The following SLC66A2 variants were observed in gnomAD, a reference collection of about 807,000 sequenced individuals.
SLC66A2 encodes the protein PQ loop repeat containing 1.
Under a neutral mutation model 25.5 loss-of-function variants are expected in SLC66A2, and 23 were observed. The observed-to-expected ratio is 0.90, with a 90% CI of 0.65 to 1.28. The LOEUF (loss-of-function observed/expected upper bound fraction) is 1.28, where lower values mean the gene tolerates loss of function less well. Among genes scored for constraint, SLC66A2 ranks in the 50% most tolerant of loss-of-function variants. The pLI is 0.00. For missense variants in SLC66A2, 396 were observed against 373.1 expected, an observed-to-expected ratio of 1.06 and a Z score of -0.51; for synonymous variants, 193 against 166.5, an observed-to-expected ratio of 1.16 and a Z score of -1.23.
chr18:79,903,829 C>T lies in SLC66A2; in HGVS notation c.*147G>A, dbSNP rs1981592933. 1.6e-6 allele frequency: 1 copy of T among 644,118 alleles called. No individual in the cohort carries two copies. Among genetic ancestry groups the T allele is most frequent in the East Asian group, 3.0e-5 (1 of 33,152 alleles). The allele number at this position is 644,118 out of a possible 1,614,324, so 39.9% of individuals were successfully genotyped here. On this transcript the variant is annotated 3_prime_UTR_variant, in exon 6 of 6. Transcript: ENST00000397778. ...CCCACCCCCACTGCCCACCCTGAGA[C>T]ACCCCACAGAGGCTGATGGAGACCC...
chr18:79,927,216 C>G lies in SLC66A2; in HGVS notation c.391+6753G>C, dbSNP rs1599590908. ...CCACCTGGGAGGGAACAAACAGGCACTGCCCAGACCCGGAGCTGCAGGCAG... is the reference window on the plus strand; with the variant it reads ...CCACCTGGGAGGGAACAAACAGGCAGTGCCCAGACCCGGAGCTGCAGGCAG... On this transcript the variant is annotated intron_variant, in intron 4 of 5. Coordinates refer to ENST00000397778, the MANE Select transcript of SLC66A2 (RefSeq NM_025078.5). The surrounding 1 kb of genome is among the most constrained non-coding windows in gnomAD (Gnocchi z 6.2). Among the ~76,000 whole-genome samples, 1 of 152,188 alleles carries G rather than the reference C, an allele frequency of 6.6e-6. No homozygotes were observed. The highest frequency in any genetic ancestry group is 1.9e-4 in the East Asian group (1 of 5,186).
In SLC66A2 at chr18:79,950,766, C is replaced by T. The variant is rs1411371380; in HGVS notation, c.161G>A (p.Cys54Tyr). The T allele has an allele frequency of 2.5e-6, 4 of 1,613,170 alleles. No individual in the cohort carries two copies. The highest frequency in any genetic ancestry group is 1.3e-5 in the African/African-American group (1 of 74,948). The change falls in exon 2 of 6, where the codon TGC (cysteine) becomes TAC (tyrosine). Residue 54 changes from cysteine to tyrosine, a missense_variant. Coordinates refer to ENST00000397778, the MANE Select transcript of SLC66A2 (RefSeq NM_025078.5). ...QNADGFSTYV[C>Y]LVLLVANILR... is the part of the protein sequence containing the mutation. Reference sequence around the variant, plus strand: ...AATGTTGGCCACCAGCAGCACCAGGCACACGTAGGTGGAGAAGCCGTCGGC... The same window carrying T: ...AATGTTGGCCACCAGCAGCACCAGGTACACGTAGGTGGAGAAGCCGTCGGC...
chr18:79,916,196 T>C (rs1190909793), intron 5 of SLC66A2, among the ~76,000 whole-genome samples: 25 of 94,314 alleles, frequency 2.7e-4, no homozygotes, highest in South Asian at 1.4e-3. Context: ...ATACCCACGG[T>C]GCTCCCGTAC....
chr18:79,923,258 AGGACGGGGGGCCATGGACAGGCGGGTGGT>A (rs1985504172), intron 4 of SLC66A2, among the ~76,000 whole-genome samples: 2 of 13,982 alleles, frequency 1.4e-4, no homozygotes, highest in African/African-American at 2.7e-4. Flanking sequence ...GGGTGGGTGG[AGGACGGGGGGCCATGGACAGGCGGGTGGT>A]GGACAGGTGG....
intron 3 of SLC66A2, chr18:79,935,609 C>T (rs1354395619): frequency 6.6e-6 from 1 of 152,204 alleles, no homozygotes; most frequent in Admixed American, 6.5e-5. Context: ...CTGTGATTTC[C>T]AAGACTTAGG....
intron 4 of SLC66A2, among the ~76,000 whole-genome samples, chr18:79,924,457 G>A (rs575677875): frequency 1.7e-4 from 26 of 152,310 alleles, no homozygotes; most frequent in Non-Finnish European, 2.6e-4. Context: ...AAACTGGTTC[G>A]AAGGGGTTTC....
intron 5 of SLC66A2, among the ~76,000 whole-genome samples, chr18:79,912,159 C>CAGGGAGGGGACGGCAGCAGG (rs1983318815): frequency 3.2e-4 from 12 of 37,102 alleles, no homozygotes; most frequent in African/African-American, 7.6e-4. Context: ...ACGGCAGCAG[C>CAGGGAGGGGACGGCAGCAGG]GAGGGGATGG....
At position 79,902,565 on chromosome 18, in the gene SLC66A2, A is replaced by G. The variant is rs758944784; in HGVS notation, c.*1411T>C. 6.6e-6 allele frequency: 1 copy of G among 152,306 alleles called. No homozygotes were observed. Among genetic ancestry groups the G allele is most frequent in the Non-Finnish European group, 1.5e-5 (1 of 68,058 alleles). 9.4% of individuals were successfully genotyped at this position (152,306 alleles called of 1,614,324 possible). The stretch of plus-strand genomic sequence containing the variant: ...CATCTTAAAAAAATAAAAATTTTCA[A>G]AGCATCTCACAGGCCAAAGAGCTAA... On this transcript the variant is annotated 3_prime_UTR_variant, in exon 6 of 6. Coordinates refer to ENST00000397778, the MANE Select transcript of SLC66A2 (RefSeq NM_025078.5).
rs745712892 is a variant in SLC66A2, at chr18:79,918,561, ATC to A, written c.608+621_608+622del. Among the ~76,000 whole-genome samples, 1 of 152,140 alleles carries A rather than the reference ATC, an allele frequency of 6.6e-6. No homozygotes were observed. Among genetic ancestry groups the A allele is most frequent in the Non-Finnish European group, 1.5e-5 (1 of 68,014 alleles). On this transcript the variant is annotated intron_variant, in intron 5 of 5. Coordinates refer to ENST00000397778, the MANE Select transcript of SLC66A2 (RefSeq NM_025078.5). This position sits in a 1 kb window ranked among gnomAD's most constrained non-coding sequence, Gnocchi z 4.0. ...TTTCTGCCCCCGCCACAGCGAGCAG[ATC>A]TGTTTTTATTACAATGCAGTTTCCA...
chr18:79,933,073 A>G (rs1986728944), intron 4 of SLC66A2, among the ~76,000 whole-genome samples: 1 of 152,234 alleles, frequency 6.6e-6, no homozygotes. Flanking sequence ...AATAAAATCC[A>G]GCAACAGATA....
At chr18:79,913,587 CTGTG>C (rs755580323) in intron 5 of SLC66A2, among the ~76,000 whole-genome samples, 2 of 152,174 alleles carry the variant, frequency 1.3e-5, no homozygotes, top group Admixed American at 6.5e-5. Context: ...GTGTGCATCG[CTGTG>C]TGTGTGTGCA....
intron 2 of SLC66A2, among the ~76,000 whole-genome samples, chr18:79,946,082 G>A (rs1347918266): frequency 1.3e-5 from 2 of 152,234 alleles, no homozygotes; most frequent in African/African-American, 4.8e-5. Context: ...TGACGAGACG[G>A]AGGAGGAGGC....
At chr18:79,938,939 G>C (rs1599635605) in intron 3 of SLC66A2, among the ~76,000 whole-genome samples, 1 of 152,224 alleles carries the variant, frequency 6.6e-6, no homozygotes, top group Non-Finnish European at 1.5e-5. Context: ...GCCTCCCAAA[G>C]TGCTGGGATT....
intron 5 of SLC66A2, among the ~76,000 whole-genome samples, chr18:79,914,588 G>A (rs532530553): frequency 2.2e-4 from 34 of 152,262 alleles, no homozygotes; most frequent in South Asian, 1.7e-3. Flanking sequence ...CCCAAGCTGC[G>A]TCTGGAGAGC....
intron 2 of SLC66A2, chr18:79,949,914 T>G (rs894669828): frequency 3.3e-5 from 5 of 152,274 alleles, no homozygotes; most frequent in Non-Finnish European, 7.3e-5. Context: ...TCATTTCCTC[T>G]GAAAACTCAC....
At chr18:79,909,322 T>C (rs1982584800) in intron 5 of SLC66A2, among the ~76,000 whole-genome samples, 1 of 152,206 alleles carries the variant, frequency 6.6e-6, no homozygotes. Context: ...GCTGTTGGCA[T>C]GTAGTTTAGG....
At chr18:79,939,688 T>A (rs147633002) in intron 3 of SLC66A2, among the ~76,000 whole-genome samples, 38 of 152,296 alleles carry the variant, frequency 2.5e-4, no homozygotes, top group African/African-American at 8.9e-4. Flanking sequence ...AGATGCCGTC[T>A]CATACCAGTC....
chr18:79,928,222 C>T (rs1986201840), intron 4 of SLC66A2, among the ~76,000 whole-genome samples: 1 of 152,236 alleles, frequency 6.6e-6, no homozygotes, highest in South Asian at 2.1e-4. Flanking sequence ...AAACAGTTTT[C>T]CCCAAGTCAC....
chr18:79,947,094 AAG>A (rs1267138285), intron 2 of SLC66A2, among the ~76,000 whole-genome samples: 3 of 152,164 alleles, frequency 2.0e-5, no homozygotes, highest in Non-Finnish European at 4.4e-5. Context: ...TCCTCCATCT[AAG>A]AGTGCTCCAG....
Sources: allele counts gnomAD v4.1 joint callset (sites outside exome capture counted in the v4.1 genomes callset), GRCh38; gene constraint gnomAD v4.1.1; non-coding constraint Gnocchi (gnomAD v3.1); transcripts MANE v1.5; gene names NCBI Gene and HGNC (gene_info 2026-07-23, HGNC 2026-07-21).